Variants in LAMA2 observed in about 807,000 individuals in gnomAD.
The protein encoded by LAMA2 is laminin subunit alpha 2, also known as laminin subunit alpha-2.
Under a neutral mutation model 364.8 loss-of-function variants are expected in LAMA2, and 269 were observed. The observed-to-expected ratio is 0.74, with a 90% CI of 0.67 to 0.82. LAMA2 has a LOEUF of 0.82. Among genes scored for constraint, LAMA2 ranks in the 40% least tolerant of loss-of-function variants. The pLI is 0.00. For synonymous variants in LAMA2, 1,379 were observed against 1,370.6 expected, an observed-to-expected ratio of 1.01 and a Z score of -0.14; for missense variants, 3,807 against 3,873.2, an observed-to-expected ratio of 0.98 and a Z score of 0.45.
chr6:129,277,104 C>T (rs535557343), intron 17 of LAMA2, among the ~76,000 whole-genome samples: 5 of 152,164 alleles, frequency 3.3e-5, no homozygotes, highest in East Asian at 3.9e-4. Context: ...GGAAAATGCC[C>T]GCTGCTCTTG....
intron 8 of LAMA2, chr6:129,158,390 T>C (rs1779252055): frequency 1.9e-6 from 3 of 1,613,970 alleles, no homozygotes; most frequent in Non-Finnish European, 2.5e-6. Flanking sequence ...CTTCTCCATA[T>C]CGGCCTTTAC....
chr6:129,437,508 G>T (rs1226946560), intron 41 of LAMA2, among the ~76,000 whole-genome samples: 1 of 151,454 alleles, frequency 6.6e-6, no homozygotes, highest in Non-Finnish European at 1.5e-5. Context: ...CCTCACTTGG[G>T]GACTCTGTCT....
At chr6:129,028,336 A>G (rs1052413946) in intron 1 of LAMA2, among the ~76,000 whole-genome samples, 2 of 93,670 alleles carry the variant, frequency 2.1e-5, no homozygotes, top group African/African-American at 5.1e-5. Flanking sequence ...ATATGTCTTC[A>G]GTACTTTTTT....
intron 1 of LAMA2, among the ~76,000 whole-genome samples, chr6:128,898,388 T>C (rs975686940): frequency 6.6e-6 from 1 of 152,196 alleles, no homozygotes; most frequent in African/African-American, 2.4e-5. Context: ...TCCCATCAGC[T>C]TTTCCCAACT....
rs756854513 is a variant in LAMA2 at position 129,316,161 on chromosome 6, C to T, written c.4048C>T (p.Arg1350Ter). 7.5e-6 allele frequency: 12 copies of T among 1,603,676 alleles called. No individual in the cohort carries two copies. Among genetic ancestry groups the T allele is most frequent in the East Asian group, 2.2e-5 (1 of 44,846 alleles). ...LIKATYGNFMRQSRISEISME... is the reference protein window; with the variant it reads ...LIKATYGNFM ...CAAAGCTACTTATGGAAATTTCATG[C>T]GACAAAGCAGGTAAACTCTAATAGA... The change falls in exon 27 of 65, where the codon CGA becomes TGA. Residue 1350 changes from arginine to a stop codon, truncating the protein, a stop_gained. Transcript: ENST00000421865. LOFTEE classifies it high-confidence loss of function.
chr6:129,503,042 G>A (rs780921520), intron 59 of LAMA2, 49 bp from the exon 60 acceptor site: 52 of 1,521,424 alleles, frequency 3.4e-5, no homozygotes, highest in Non-Finnish European at 4.6e-5. Flanking sequence ...ATTTTAGCAT[G>A]AGAATGCTGT....
intron 40 of LAMA2, among the ~76,000 whole-genome samples, chr6:129,404,407 A>G (rs1331717418): frequency 6.6e-6 from 1 of 152,216 alleles, no homozygotes. Context: ...AACAATTTAT[A>G]CCATGTTTAT....
At chr6:129,460,044 A>G (rs1783170210) in intron 48 of LAMA2, among the ~76,000 whole-genome samples, 156 bp from the exon 49 acceptor site, 1 of 152,070 alleles carries the variant, frequency 6.6e-6, no homozygotes, top group Non-Finnish European at 1.5e-5. Flanking sequence ...GGATACGGAC[A>G]GACTATGATG....
chr6:129,052,423 C>G (rs2114780181), intron 2 of LAMA2, among the ~76,000 whole-genome samples: 1 of 151,782 alleles, frequency 6.6e-6, no homozygotes, highest in Non-Finnish European at 1.5e-5. Flanking sequence ...GCTGGGATTA[C>G]AGGCGTGAGC....
chr6:129,382,522 T>C lies in LAMA2; in HGVS notation c.4960-600T>C, dbSNP rs1778750650. The stretch of plus-strand genomic sequence containing the variant: ...TGCATGATTCTGTGATTAACAAGCA[T>C]ATTTCTGGTGCTATCATATGGAAAA... On this transcript the variant is annotated intron_variant, in intron 34 of 64. Transcript: ENST00000421865. Among the ~76,000 whole-genome samples, 5 of 152,372 alleles carry C rather than the reference T, an allele frequency of 3.3e-5. No homozygotes were observed. The South Asian group carries it at 1.0e-3, about 32-fold the overall frequency.
intron 37 of LAMA2, among the ~76,000 whole-genome samples, chr6:129,396,421 C>T (rs1779620801): frequency 6.6e-6 from 1 of 152,048 alleles, no homozygotes; most frequent in Admixed American, 6.5e-5. Flanking sequence ...CAACAGGAAC[C>T]CCAGCCAGAG....
chr6:129,332,881 CCATTT>C (rs1775735712), intron 29 of LAMA2, among the ~76,000 whole-genome samples: 1 of 116,922 alleles, frequency 8.6e-6, no homozygotes, highest in African/African-American at 3.1e-5. Flanking sequence ...GTTAAGTTTA[CCATTT>C]TTTTTTTTTT....
At chr6:129,426,341 A>G (rs1781322893) in intron 40 of LAMA2, among the ~76,000 whole-genome samples, 1 of 152,192 alleles carries the variant, frequency 6.6e-6, no homozygotes, top group Non-Finnish European at 1.5e-5. Flanking sequence ...TGATTCAGAA[A>G]ACCTATAACC....
intron 9 of LAMA2, among the ~76,000 whole-genome samples, chr6:129,166,587 C>T (rs1779757541): frequency 6.6e-6 from 1 of 152,102 alleles, no homozygotes; most frequent in African/African-American, 2.4e-5. Context: ...ACTGAGCTCA[C>T]TTTTCGTTTT....
intron 40 of LAMA2, among the ~76,000 whole-genome samples, chr6:129,412,341 C>G (rs1488739638): frequency 6.6e-6 from 1 of 152,094 alleles, no homozygotes; most frequent in Non-Finnish European, 1.5e-5. Flanking sequence ...CTGCTTTACT[C>G]AAAGTCTACT....
intron 47 of LAMA2, 91 bp from the exon 48 acceptor site, chr6:129,456,244 T>G (rs1485133116): frequency 7.8e-7 from 1 of 1,285,884 alleles, no homozygotes; most frequent in Admixed American, 1.7e-5. Context: ...CTCCGCATTT[T>G]ATATCTTTTA....
intron 12 of LAMA2, among the ~76,000 whole-genome samples, chr6:129,245,308 A>G (rs565034934): frequency 3.3e-5 from 5 of 152,166 alleles, no homozygotes; most frequent in Non-Finnish European, 5.9e-5. Context: ...ATTGCCTCAA[A>G]GTGAACTAAA....
intron 2 of LAMA2, among the ~76,000 whole-genome samples, chr6:129,053,261 C>T (rs2114781881): frequency 6.6e-6 from 1 of 152,216 alleles, no homozygotes; most frequent in South Asian, 2.1e-4. Context: ...GACGAGGTTT[C>T]TCCATGTTGG....
At chr6:129,422,827 T>C (rs1422514294) in intron 40 of LAMA2, among the ~76,000 whole-genome samples, 2 of 152,084 alleles carry the variant, frequency 1.3e-5, no homozygotes, top group East Asian at 1.9e-4. Context: ...TCCAACCTCA[T>C]TCTACGAGGC....
Sources: allele counts gnomAD v4.1 joint callset (sites outside exome capture counted in the v4.1 genomes callset), GRCh38; gene constraint gnomAD v4.1.1; transcripts MANE v1.5; gene names NCBI Gene and HGNC (gene_info 2026-07-23, HGNC 2026-07-21).